PSMG2: variants seen among roughly 807,000 people sequenced by gnomAD.
The protein encoded by PSMG2 is CD40 ligand-activated specific transcript 3.
A neutral mutation model predicts 31.5 loss-of-function variants in PSMG2; 21 were observed. The ratio of observed to expected loss-of-function variants is 0.67; its 90% confidence interval spans 0.47 to 0.96. PSMG2 has a LOEUF of 0.96. Among genes scored for constraint, PSMG2 ranks in the 40% least tolerant of loss-of-function variants. PSMG2 has a pLI of 0.00. For synonymous variants in PSMG2, 120 were observed against 110.4 expected, an observed-to-expected ratio of 1.09 and a Z score of -0.54; for missense variants, 318 against 321.2, an observed-to-expected ratio of 0.99 and a Z score of 0.08.
intron 1 of PSMG2, chr18:12,685,447 C>G (rs1300495771): frequency 6.6e-6 from 1 of 152,078 alleles, no homozygotes; most frequent in East Asian, 1.9e-4. Flanking sequence ...CCCTACATCA[C>G]AGAAATCACA....
chr18:12,674,844 C>G lies in PSMG2; in HGVS notation c.-37+16071C>G, dbSNP rs948447420. 7 of 672,530 alleles carry G rather than the reference C, an allele frequency of 1.0e-5. No individual in the cohort carries two copies. In the Admixed American group the frequency reaches 2.4e-4, roughly 23 times the overall value. 41.7% of individuals were successfully genotyped at this position (672,530 alleles called of 1,614,324 possible). ...AAATGTTGATTATTTTAATGTATAC[C>G]AAGAAAAGATTTTTAAAAGCTATCA... On this transcript the variant is annotated intron_variant, in intron 1 of 6. Transcript: ENST00000585331.
intron 1 of PSMG2, among the ~76,000 whole-genome samples, chr18:12,659,816 A>G (rs2038658858): frequency 6.6e-6 from 1 of 152,196 alleles, no homozygotes; most frequent in South Asian, 2.1e-4. Context: ...TGCAGTATCT[A>G]TGTGTGCCAA....
upstream of PSMG2, among the ~76,000 whole-genome samples, chr18:12,701,463 C>T (rs1050968536): frequency 6.6e-6 from 1 of 152,116 alleles, no homozygotes; most frequent in Non-Finnish European, 1.5e-5. Flanking sequence ...GGGAATCTTA[C>T]CAGCTTTCAA....
chr18:12,724,499 C>G lies in PSMG2; in HGVS notation c.582C>G (p.Ser194Arg), dbSNP rs1252634723. 2 of 1,595,380 alleles carry G rather than the reference C, an allele frequency of 1.3e-6. No homozygotes were observed. The highest frequency in any genetic ancestry group is 8.5e-7 in the Non-Finnish European group (1 of 1,173,032). Residue 194 changes from serine to arginine, a missense_variant and splice_region_variant, in exon 6 of 7, where the codon AGC (serine) becomes AGG (arginine). Ser to Arg is a moderately radical substitution (Grantham distance 110). Transcript: ENST00000317615. ...TGATTCTTATTTTTATTTCTTGTAG[C>G]TGTTCTAAAGAAATCCAAATGGCAG... is the stretch of plus-strand genomic sequence containing the variant. Reference protein sequence around the residue: ...GGITKTLYDESCSKEIQMAVL... With the variant: ...GGITKTLYDERCSKEIQMAVL...
rs1449624346 is a variant in PSMG2, at chr18:12,706,669, T to C, written c.177T>C (p.Asn59=). 6.2e-7 allele frequency: 1 copy of C among 1,612,686 alleles called. No individual in the cohort carries two copies. The highest frequency in any genetic ancestry group is 8.5e-7 in the Non-Finnish European group (1 of 1,179,014). Residue 59 remains asparagine, a synonymous_variant, in exon 2 of 7, where the codon AAT becomes AAC. Transcript: ENST00000317615. ...TDCLVPMVGN[N]PYATTEGNST... ...GTCTTGTGCCAATGGTTGGAAACAA[T>C]CCATATGCGACCACAGAAGGAAATT... is the stretch of plus-strand genomic sequence containing the variant.
At chr18:12,703,885 A>C (rs1031084314) in intron 1 of PSMG2, among the ~76,000 whole-genome samples, 1 of 152,172 alleles carries the variant, frequency 6.6e-6, no homozygotes, top group African/African-American at 2.4e-5. Flanking sequence ...TGGATGTCTA[A>C]AACAGAGTCA....
intron 1 of PSMG2, among the ~76,000 whole-genome samples, chr18:12,683,812 T>C (rs1010420740): frequency 6.6e-6 from 1 of 151,600 alleles, no homozygotes; most frequent in Admixed American, 6.6e-5. Flanking sequence ...GTTCATAGCA[T>C]AATGCTTAAT....
At chr18:12,696,456 T>C (rs981597899) in intron 1 of PSMG2, among the ~76,000 whole-genome samples, 2 of 152,024 alleles carry the variant, frequency 1.3e-5, no homozygotes, top group Admixed American at 6.6e-5. Context: ...TGAGCCGAGA[T>C]TGCAGCACTG....
chr18:12,678,869 T>C (rs546227096), intron 1 of PSMG2, among the ~76,000 whole-genome samples: 63 of 152,100 alleles, frequency 4.1e-4, no homozygotes, highest in African/African-American at 1.4e-3. Flanking sequence ...GCCAGGAGAA[T>C]TGCTTGAACC....
chr18:12,673,379 G>A lies in PSMG2; in HGVS notation c.-37+14606G>A, dbSNP rs375361062. ...AAATATTGGCCCTATAATACCGAGC[G>A]ATATTTACAAGCAAACATGATCCAA... On this transcript the variant is annotated intron_variant, in intron 1 of 6. Coordinates refer to the PSMG2 transcript ENST00000585331. The A allele has an allele frequency of 5.0e-6, 8 of 1,604,028 alleles. No homozygotes were observed. In the African/African-American group the frequency reaches 9.5e-5, roughly 19 times the overall value.
At chr18:12,680,571 T>TG (rs2039309177) in intron 1 of PSMG2, 1 of 959,952 alleles carries the variant, frequency 1.0e-6, no homozygotes, top group African/African-American at 1.9e-5. Flanking sequence ...CACTCCAGCC[T>TG]GGGCGACAGA....
chr18:12,659,422 C>T (rs2038649213), intron 1 of PSMG2, among the ~76,000 whole-genome samples: 1 of 152,160 alleles, frequency 6.6e-6, no homozygotes, highest in African/African-American at 2.4e-5. Flanking sequence ...AATCCCAGCA[C>T]TTTGGGAGGC....
At chr18:12,712,596 A>ACGTATTTTAATTATTG (rs2040341798) in intron 2 of PSMG2, 106 bp from the exon 3 acceptor site, 1 of 783,064 alleles carries the variant, frequency 1.3e-6, no homozygotes, top group African/African-American at 1.8e-5. Flanking sequence ...ATTATTGAAA[A>ACGTATTTTAATTATTG]CATTTAAATG....
intron 1 of PSMG2, among the ~76,000 whole-genome samples, chr18:12,705,568 A>AGTGTGTGTGT (rs1356391959): frequency 8.7e-5 from 11 of 126,834 alleles, no homozygotes; most frequent in East Asian, 4.9e-4. Flanking sequence ...AGAGAGAGAG[A>AGTGTGTGTGT]GAGAGAGAGT....
chr18:12,706,572 T>A lies in PSMG2; in HGVS notation c.80T>A (p.Val27Asp). The A allele has an allele frequency of 6.2e-7, 1 of 1,614,054 alleles. No individual in the cohort carries two copies. The highest frequency in any genetic ancestry group is 8.5e-7 in the Non-Finnish European group (1 of 1,180,010). ...CAGCCAGCAGTATCTGTTGGAAATGTTGGCCAGCTTGCAATGGATCTGATT... is the reference window on the plus strand; with the variant it reads ...CAGCCAGCAGTATCTGTTGGAAATGATGGCCAGCTTGCAATGGATCTGATT... The part of the protein sequence containing the change: ...LLMPAVSVGN[V>D]GQLAMDLIIS... Residue 27 changes from valine (V) to aspartate (D), a missense_variant, in exon 2 of 7, where the codon GTT (valine) becomes GAT (aspartate). Coordinates refer to ENST00000317615, the MANE Select transcript of PSMG2 (RefSeq NM_020232.5).
intron 3 of PSMG2, among the ~76,000 whole-genome samples, chr18:12,717,282 T>C (rs549193133): frequency 7.2e-5 from 11 of 152,270 alleles, no homozygotes; most frequent in Middle Eastern, 3.4e-3. Flanking sequence ...TGCACTAGAC[T>C]ACCTTCTTAT....
intron 3 of PSMG2, among the ~76,000 whole-genome samples, chr18:12,716,333 G>A (rs113427392): frequency 0.015 from 2,253 of 150,944 alleles, 61 homozygotes; most frequent in African/African-American, 0.052. Context: ...ATCAGTGTAA[G>A]TTGAAAAATT....
chr18:12,663,457 G>A (rs2038739627), intron 1 of PSMG2: 1 of 152,124 alleles, frequency 6.6e-6, no homozygotes, highest in Non-Finnish European at 1.5e-5. Flanking sequence ...CTTTTTTGCA[G>A]AGACGGGGTT....
chr18:12,679,690 G>T (rs2039277230), intron 1 of PSMG2, among the ~76,000 whole-genome samples: 1 of 152,124 alleles, frequency 6.6e-6, no homozygotes, highest in Non-Finnish European at 1.5e-5. Flanking sequence ...CGTGGAGATG[G>T]TAACCACATC....
Sources: gnomAD v4.1 joint callset for allele counts (sites outside exome capture counted in the v4.1 genomes callset) on GRCh38, gnomAD v4.1.1 for gene constraint, MANE v1.5 for transcripts, NCBI Gene and HGNC (gene_info 2026-07-23, HGNC 2026-07-21) for gene names.